The following LARP4 variants were observed in gnomAD, a reference collection of about 807,000 sequenced individuals.
LARP4 encodes La ribonucleoprotein 4.
Under a neutral mutation model 92.9 loss-of-function variants are expected in LARP4, and 29 were observed. The observed-to-expected ratio is 0.31, with a 90% CI of 0.23 to 0.43. LARP4 has a LOEUF of 0.43. LARP4 is among the 20% of genes least tolerant of loss of function. The probability of loss-of-function intolerance (pLI) is 1.00; values close to 1 mark genes in which losing one functional copy is unlikely to be tolerated. For synonymous variants in LARP4, 279 were observed against 284.1 expected, an observed-to-expected ratio of 0.98 and a Z score of 0.18; for missense variants, 732 against 860.0, an observed-to-expected ratio of 0.85 and a Z score of 1.86.
rs767042714 is a variant in LARP4 at position 50,402,831 on chromosome 12, G to A, written c.18+1803G>A. On this transcript the variant is annotated intron_variant, in intron 1 of 15. Coordinates refer to ENST00000398473, the MANE Select transcript of LARP4 (RefSeq NM_052879.5). ...CTCCCCAGGTTAGACAAATTCTATC[G>A]TATCTCTCGCCAAACTAGTGTTTAA... 11 of 454,028 alleles carry A rather than the reference G, an allele frequency of 2.4e-5. No homozygotes were observed. In the East Asian group the frequency reaches 2.8e-4, roughly 12 times the overall value. The allele number at this position is 454,028 out of a possible 1,614,324, so 28.1% of individuals were successfully genotyped here. A position where few individuals can be genotyped will look rare whatever the true frequency, so the allele number is the denominator to read the frequency against.
rs896601313 is a variant in LARP4 at position 50,434,466 on chromosome 12, T to C, written c.399-1022T>C. ...GGAGTTTCGCCCTTGTTGCCCCAAC[T>C]GGAGTGCAGTGGCGTGATCTCGGCT... On this transcript the variant is annotated intron_variant, in intron 4 of 15. Transcript: ENST00000398473. Among the ~76,000 whole-genome samples, 7 of 151,152 alleles carry C rather than the reference T, an allele frequency of 4.6e-5. No homozygotes were observed. In the East Asian group the frequency reaches 1.2e-3, roughly 26 times the overall value.
Position 50,461,154 on chromosome 12 carries a change from T to A in LARP4, c.1141T>A (p.Ser381Thr). 2.5e-6 allele frequency: 4 copies of A among 1,613,846 alleles called. No individual in the cohort carries two copies. The highest frequency in any genetic ancestry group is 3.4e-6 in the Non-Finnish European group (4 of 1,179,774). Residue 381 changes from serine to threonine, a missense_variant, in exon 11 of 16, where the codon TCA becomes ACA. Coordinates refer to ENST00000398473, the MANE Select transcript of LARP4 (RefSeq NM_052879.5). ...QKNRVKPQFR[S>T]SGGSEHSTEG... is the part of the protein sequence containing the mutation. ...CTATAGTGTGAAGCCTCAGTTTAGG[T>A]CATCTGGTGGTTCAGAACACTCAAC...
Position 50,454,423 on chromosome 12 carries a change from AT to A in LARP4, c.1121+7del. 1 of 1,586,114 alleles carries A rather than the reference AT, an allele frequency of 6.3e-7. No homozygotes were observed. On this transcript the variant is annotated splice_region_variant and intron_variant, in intron 10 of 15. Coordinates refer to ENST00000398473, the MANE Select transcript of LARP4 (RefSeq NM_052879.5). ...CGACCATTCCAAAAAAATCGGTAAG[AT>A]AAAAACCATAGCTGTAATGTATTTT...
chr12:50,474,122 A>G lies in LARP4; in HGVS notation c.1791A>G (p.Ser597=). The change falls in exon 15 of 16, where the codon TCA becomes TCG. Residue 597 remains serine, a synonymous_variant. Transcript: ENST00000398473. ...AGCCATCGAGGGCAAGTACTGCTTC[A>G]CCATGTAATAATAACATAAATGCAG... ...TTKPSRASTA[S]PCNNNINAAT... is the part of the protein sequence containing the mutation. 1 of 1,613,614 alleles carries G rather than the reference A, an allele frequency of 6.2e-7. No individual in the cohort carries two copies. The highest frequency in any genetic ancestry group is 1.1e-5 in the South Asian group (1 of 91,060).
Position 50,473,399 on chromosome 12 carries a change from AT to A in LARP4, c.1546-15del, listed in dbSNP as rs1565765853. 1 of 1,607,640 alleles carries A rather than the reference AT, an allele frequency of 6.2e-7. No individual in the cohort carries two copies. Among genetic ancestry groups the A allele is most frequent in the Non-Finnish European group, 8.5e-7 (1 of 1,175,042 alleles). ...AAAGGTCTAAGTGTAATTTTGAAAA[AT>A]CTTTTTACTTTAAGGATAATGAAGA... On this transcript the variant is annotated splice_polypyrimidine_tract_variant and intron_variant, in intron 13 of 15. Coordinates refer to ENST00000398473, the MANE Select transcript of LARP4 (RefSeq NM_052879.5).
chr12:50,412,427 G>A (rs1946066545), intron 1 of LARP4: 1 of 975,872 alleles, frequency 1.0e-6, no homozygotes, highest in African/African-American at 1.7e-5. Flanking sequence ...TAAGTGGCAT[G>A]GGATTTCTGT....
At chr12:50,439,536 G>A (rs1393000457) in intron 6 of LARP4, among the ~76,000 whole-genome samples, 3 of 152,078 alleles carry the variant, frequency 2.0e-5, no homozygotes, top group African/African-American at 4.8e-5. Flanking sequence ...CCAAGTAGCT[G>A]TGACTACGGG....
chr12:50,460,822 A>G (rs1232592704), intron 10 of LARP4, among the ~76,000 whole-genome samples: 1 of 152,136 alleles, frequency 6.6e-6, no homozygotes, highest in East Asian at 1.9e-4. Context: ...TGGCGCCTGT[A>G]GTCCCAGCTA....
chr12:50,445,621 T>TTTG (rs973401160), intron 8 of LARP4, among the ~76,000 whole-genome samples: 5 of 152,108 alleles, frequency 3.3e-5, no homozygotes, highest in African/African-American at 4.8e-5. Flanking sequence ...TCAACCTATT[T>TTTG]TTGTTGTTGT....
At chr12:50,428,176 G>A (rs1329258641) in intron 2 of LARP4, among the ~76,000 whole-genome samples, 1 of 151,406 alleles carries the variant, frequency 6.6e-6, no homozygotes, top group Non-Finnish European at 1.5e-5. Context: ...TCCCACACCC[G>A]GTTACCACAC....
intron 5 of LARP4, 49 bp downstream of exon 5, chr12:50,435,673 T>C (rs950341361): frequency 7.2e-7 from 1 of 1,380,116 alleles, no homozygotes; most frequent in East Asian, 2.3e-5. Context: ...AAACGTAAAA[T>C]GTTATTTCGA....
intron 1 of LARP4, among the ~76,000 whole-genome samples, chr12:50,404,260 C>A (rs1944391906): frequency 6.6e-6 from 1 of 152,158 alleles, no homozygotes; most frequent in Non-Finnish European, 1.5e-5. Context: ...ATAATTTAAA[C>A]TTGCCTAAGT....
At chr12:50,446,776 TAG>T (rs942657589) in intron 8 of LARP4, among the ~76,000 whole-genome samples, 1 of 152,002 alleles carries the variant, frequency 6.6e-6, no homozygotes, top group Non-Finnish European at 1.5e-5. Context: ...TTTAGTTCCT[TAG>T]GGGACATTTT....
intron 8 of LARP4, among the ~76,000 whole-genome samples, chr12:50,448,606 C>G (rs1185763353): frequency 6.6e-6 from 1 of 152,088 alleles, no homozygotes; most frequent in Non-Finnish European, 1.5e-5. Context: ...TCACTGCAAC[C>G]TCTGCCCCAC....
chr12:50,434,207 G>A (rs1381264230), intron 4 of LARP4, among the ~76,000 whole-genome samples: 2 of 152,022 alleles, frequency 1.3e-5, no homozygotes, highest in African/African-American at 2.4e-5. Context: ...CTTTGAGAAG[G>A]GGCCTTATAA....
At chr12:50,450,393 G>A (rs1455136320) in intron 8 of LARP4, among the ~76,000 whole-genome samples, 1 of 152,156 alleles carries the variant, frequency 6.6e-6, no homozygotes, top group Non-Finnish European at 1.5e-5. Flanking sequence ...GACACAAGTA[G>A]TATTTGTGTC....
intron 8 of LARP4, among the ~76,000 whole-genome samples, chr12:50,443,196 T>A (rs1401928929): frequency 1.3e-5 from 2 of 152,232 alleles, no homozygotes; most frequent in Admixed American, 1.3e-4. Context: ...CTTCTGCAGC[T>A]ATGAGATTTG....
At position 50,476,650 on chromosome 12, in the gene LARP4, CAA is replaced by C. The variant is rs1289177773; in HGVS notation, c.*788_*789del. 6.6e-6 allele frequency: 1 copy of C among 151,184 alleles called. No homozygotes were observed. The highest frequency in any genetic ancestry group is 2.0e-4 in the East Asian group (1 of 5,114). 9.4% of individuals were successfully genotyped at this position (151,184 alleles called of 1,614,324 possible). ...TCATCTTGGACCTCAGTGCATAGGT[CAA>C]ATGGATTTCAGAGGTTTAAACTTCC... On this transcript the variant is annotated 3_prime_UTR_variant, in exon 16 of 16. Coordinates refer to ENST00000398473, the MANE Select transcript of LARP4 (RefSeq NM_052879.5).
chr12:50,473,023 A>G (rs1264043413), intron 13 of LARP4, among the ~76,000 whole-genome samples: 2 of 148,624 alleles, frequency 1.3e-5, no homozygotes, highest in East Asian at 2.0e-4. Context: ...GGATTTCACC[A>G]TGTTGGCCAG....
Sources: gnomAD v4.1 joint callset for allele counts (sites outside exome capture counted in the v4.1 genomes callset) on GRCh38, gnomAD v4.1.1 for gene constraint, MANE v1.5 for transcripts, NCBI Gene and HGNC (gene_info 2026-07-23, HGNC 2026-07-21) for gene names.